Variants in DOCK6 observed in about 807,000 individuals in gnomAD.
The protein encoded by DOCK6 is dedicator of cytokinesis 6, also known as dedicator of cytokinesis protein 6.
A neutral mutation model predicts 230.3 loss-of-function variants in DOCK6; 167 were observed. The observed-to-expected ratio is 0.73, with a 90% CI of 0.64 to 0.82. The LOEUF is 0.82. Among genes scored for constraint, DOCK6 ranks in the 40% least tolerant of loss-of-function variants. The pLI is 0.00. For synonymous variants in DOCK6, 1,148 were observed against 1,185.0 expected (o/e 0.97, Z 0.64); for missense variants, 2,598 against 2,825.8 (o/e 0.92, Z 1.83).
At chr19:11,254,468 C>T (rs1046187688) in intron 1 of DOCK6, among the ~76,000 whole-genome samples, 4 of 151,838 alleles carry the variant, frequency 2.6e-5, no homozygotes, top group Admixed American at 1.3e-4. Flanking sequence ...CTGAGGCAGG[C>T]GGATCACCTG....
intron 37 of DOCK6, among the ~76,000 whole-genome samples, chr19:11,210,933 CTGTGTCCTCACATGTCCACCCCCTCACT>C (rs1381282810): frequency 6.6e-6 from 1 of 151,638 alleles, no homozygotes; most frequent in African/African-American, 2.4e-5. Flanking sequence ...ATCCTGTCAC[CTGTGTCCTCACATGTCCACCCCCTCACT>C]TGTGTCCTCA....
chr19:11,208,814 C>G lies in DOCK6; in HGVS notation c.4960G>C (p.Val1654Leu), dbSNP rs772437948. 6.8e-6 allele frequency: 11 copies of G among 1,613,444 alleles called. No homozygotes were observed. In the African/African-American group the frequency reaches 9.3e-5, roughly 14 times the overall value. The change falls in exon 39 of 48, where the codon GTG (valine) becomes CTG (leucine). Residue 1654 changes from valine (V) to leucine (L), a missense_variant. Coordinates refer to ENST00000294618, the MANE Select transcript of DOCK6 (RefSeq NM_020812.4). ...TCGGAGATGGCGGACTCCTCTAGCA[C>G]GTTGGATGAGATGTTCTGGGGTGGG... ...CVSFQNISSN[V>L]LEESAISDDI...
chr19:11,253,556 T>A, intron 2 of DOCK6, 83 bp downstream of exon 2: 1 of 890,574 alleles, frequency 1.1e-6, no homozygotes, highest in Non-Finnish European at 1.6e-6. Flanking sequence ...AGGGAGGGGG[T>A]GGGATAGAAC....
intron 28 of DOCK6, among the ~76,000 whole-genome samples, chr19:11,219,433 C>T (rs985403561): frequency 3.3e-5 from 5 of 150,916 alleles, no homozygotes; most frequent in African/African-American, 1.2e-4. Context: ...TGTGATCCGC[C>T]CACCTCAGCC....
At chr19:11,251,225 C>T in intron 5 of DOCK6, 139 bp from the exon 6 acceptor site, 2 of 853,372 alleles carry the variant, frequency 2.3e-6, no homozygotes, top group Non-Finnish European at 1.8e-6. Flanking sequence ...TAAGGGTCAC[C>T]TGGGGGTTTT....
At position 11,262,517 on chromosome 19, in the gene DOCK6, G is replaced by T; in HGVS notation, c.-77C>A. 1 of 919,408 alleles carries T rather than the reference G, an allele frequency of 1.1e-6. No homozygotes were observed. The highest frequency in any genetic ancestry group is 1.3e-6 in the Non-Finnish European group (1 of 770,926). 57.0% of individuals were successfully genotyped at this position (919,408 alleles called of 1,614,324 possible). A position where few individuals can be genotyped will look rare whatever the true frequency, so the allele number is the denominator to read the frequency against. ...CCGCCTCCCGGTTCTGGGCAGCCGG[G>T]GCGGGGCGGGGCCGGCGCGGGGGCG... On this transcript the variant is annotated 5_prime_UTR_variant, in exon 1 of 48. Transcript: ENST00000294618.
chr19:11,225,034 C>T (rs1057393148), intron 24 of DOCK6, among the ~76,000 whole-genome samples: 5 of 150,998 alleles, frequency 3.3e-5, no homozygotes, highest in Non-Finnish European at 5.9e-5. Context: ...ACTGCACTCC[C>T]GCCTGGGCGA....
chr19:11,200,720 T>C lies in DOCK6; in HGVS notation c.5935A>G (p.Lys1979Glu). The C allele has an allele frequency of 6.2e-7, 1 of 1,612,422 alleles. No individual in the cohort carries two copies. The highest frequency in any genetic ancestry group is 8.5e-7 in the Non-Finnish European group (1 of 1,179,266). ...KLRLCFKDFCKKCEDALRKNK... is the reference protein window; with the variant it reads ...KLRLCFKDFCEKCEDALRKNK... The stretch of plus-strand genomic sequence containing the variant: ...CCTGGGGGGTTTTGCGCCTACTTCT[T>C]GCAGAAGTCCTTGAAGCAGAGCCGC... The change falls in exon 46 of 48, where the codon AAG becomes GAG. Residue 1979 changes from lysine (K) to glutamate (E), a missense_variant. Physicochemically the swap from Lys to Glu is moderately conservative, Grantham distance 56 (BLOSUM62 1). Transcript: ENST00000294618. This position sits in a 1 kb window ranked among gnomAD's most constrained non-coding sequence, Gnocchi z 4.3.
chr19:11,200,991 G>A lies in DOCK6; in HGVS notation c.5750C>T (p.Ala1917Val), dbSNP rs760790173. ...EDMQKKTREL[A>V]FATEQDPPDA... ...TGGTGGGTCCTGCTCGGTGGCAAAG[G>A]CCAGCTCCCGTGTCTTCTTCTGCAT... is the stretch of plus-strand genomic sequence containing the variant. Residue 1917 changes from alanine (A) to valine (V), a missense_variant, in exon 45 of 48, where the codon GCC (alanine) becomes GTC (valine). Physicochemically the swap from Ala to Val is moderately conservative, Grantham distance 64. Coordinates refer to ENST00000294618, the MANE Select transcript of DOCK6 (RefSeq NM_020812.4). The surrounding 1 kb of genome is among the most constrained non-coding windows in gnomAD (Gnocchi z 4.3). 3 of 1,613,942 alleles carry A rather than the reference G, an allele frequency of 1.9e-6. No homozygotes were observed. The Admixed American group carries it at 5.0e-5, about 27-fold the overall frequency.
chr19:11,235,203 C>T (rs1044343147), intron 21 of DOCK6, among the ~76,000 whole-genome samples: 5 of 152,156 alleles, frequency 3.3e-5, no homozygotes, highest in African/African-American at 9.7e-5. Context: ...GCAACCTCTG[C>T]CTCCTGGGTT....
intron 3 of DOCK6, 100 bp downstream of exon 3, chr19:11,252,683 C>G (rs1025323722): frequency 3.8e-6 from 6 of 1,598,012 alleles, no homozygotes; most frequent in Non-Finnish European, 5.1e-6. Flanking sequence ...CATGGCTTGT[C>G]CAACGTCACG....
intron 24 of DOCK6, among the ~76,000 whole-genome samples, chr19:11,226,918 T>C (rs1336215572): frequency 6.6e-6 from 1 of 152,124 alleles, no homozygotes; most frequent in Non-Finnish European, 1.5e-5. Flanking sequence ...ACTTCCCCGC[T>C]CCCACCAACC....
In DOCK6 at chr19:11,218,874, CTT is replaced by C. The variant is rs74180011; in HGVS notation, c.3551-1485_3551-1484del. On this transcript the variant is annotated intron_variant, in intron 28 of 47. Coordinates refer to ENST00000294618, the MANE Select transcript of DOCK6 (RefSeq NM_020812.4). ...GGAGCTCAAGAAAAAAAAAAAATCA[CTT>C]TTTTTTTTTTTTTTTTTTTTGAGGC... Among the ~76,000 whole-genome samples the C allele has an allele frequency of 6.4e-4, 67 of 104,968 alleles. 1 individual carries two copies. The South Asian group carries it at 0.011, about 17-fold the overall frequency. 68.9% of individuals were successfully genotyped at this position (104,968 alleles called of 152,430 possible).
Position 11,202,435 on chromosome 19 carries a change from C to G in DOCK6, c.5410G>C (p.Asp1804His). The part of the protein sequence containing the change: ...FGDDVVEIIK[D>H]SNPVDKSKLD... Reference sequence around the variant, plus strand: ...TTGGACTTGTCCACAGGGTTAGAGTCTTTGATAATCTCAACGACGTCGTCG... The same window carrying G: ...TTGGACTTGTCCACAGGGTTAGAGTGTTTGATAATCTCAACGACGTCGTCG... The change falls in exon 43 of 48, where the codon GAC becomes CAC. Residue 1804 changes from aspartate to histidine, a missense_variant. Coordinates refer to ENST00000294618, the MANE Select transcript of DOCK6 (RefSeq NM_020812.4). The surrounding 1 kb of genome is among the most constrained non-coding windows in gnomAD (Gnocchi z 5.3). The G allele has an allele frequency of 6.2e-7, 1 of 1,613,766 alleles. No individual in the cohort carries two copies. The highest frequency in any genetic ancestry group is 8.5e-7 in the Non-Finnish European group (1 of 1,179,808).
chr19:11,220,450 C>T (rs1473797595), intron 28 of DOCK6, among the ~76,000 whole-genome samples: 1 of 152,194 alleles, frequency 6.6e-6, no homozygotes, highest in Non-Finnish European at 1.5e-5. Context: ...TCCAGCCTAG[C>T]TCAATTCCTG....
rs775773924 is a variant in DOCK6 at position 11,200,981 on chromosome 19, G to A, written c.5760C>T (p.Thr1920=). 2.5e-5 allele frequency: 40 copies of A among 1,613,800 alleles called. No homozygotes were observed. The highest frequency in any genetic ancestry group is 4.4e-5 in the South Asian group (4 of 91,080). ...TCTTAGCATCTGGTGGGTCCTGCTC[G>A]GTGGCAAAGGCCAGCTCCCGTGTCT... is the stretch of plus-strand genomic sequence containing the variant. ...QKKTRELAFA[T]EQDPPDAKML... The change falls in exon 45 of 48, where the codon ACC becomes ACT. Residue 1920 remains threonine, a synonymous_variant. Transcript: ENST00000294618. The surrounding 1 kb of genome is among the most constrained non-coding windows in gnomAD (Gnocchi z 4.3).
intron 1 of DOCK6, among the ~76,000 whole-genome samples, chr19:11,257,302 C>T (rs2080213068): frequency 6.7e-6 from 1 of 148,282 alleles, no homozygotes; most frequent in South Asian, 2.2e-4. Flanking sequence ...TGGCCTCTGA[C>T]CCTGTTTTTA....
chr19:11,210,045 C>G (rs1287865810), intron 37 of DOCK6, among the ~76,000 whole-genome samples: 2 of 147,702 alleles, frequency 1.4e-5, no homozygotes, highest in African/African-American at 5.0e-5. Context: ...CCTGTCCACC[C>G]TCTCACCTGT....
rs2079720021 is a variant in DOCK6, at chr19:11,229,006, C to G, written c.2748G>C (p.Trp916Cys). 1 of 1,613,502 alleles carries G rather than the reference C, an allele frequency of 6.2e-7. No homozygotes were observed. Among genetic ancestry groups the G allele is most frequent in the Non-Finnish European group, 8.5e-7 (1 of 1,179,808 alleles). Reference sequence around the variant, plus strand: ...CGCGTACGGCACTGCTGCTGACCACCCACTGCAGAGCCAGCTCCTCGTGAA... The same window carrying G: ...CGCGTACGGCACTGCTGCTGACCACGCACTGCAGAGCCAGCTCCTCGTGAA... ...KLLHEELALQ[W>C]VVSSSAVREA... The change falls in exon 23 of 48, where the codon TGG becomes TGC. Residue 916 changes from tryptophan to cysteine, a missense_variant. Physicochemically the swap from Trp to Cys is radical, Grantham distance 215. Coordinates refer to ENST00000294618, the MANE Select transcript of DOCK6 (RefSeq NM_020812.4).
Sources: allele counts gnomAD v4.1 joint callset (sites outside exome capture counted in the v4.1 genomes callset), GRCh38; gene constraint gnomAD v4.1.1; non-coding constraint Gnocchi (gnomAD v3.1); transcripts MANE v1.5; gene names NCBI Gene and HGNC (gene_info 2026-07-23, HGNC 2026-07-21).